TMTC4: variants seen among roughly 807,000 people sequenced by gnomAD.
TMTC4 encodes transmembrane O-mannosyltransferase targeting cadherins 4, also known as protein O-mannosyl-transferase TMTC4.
TMTC4 carries 65 observed loss-of-function variants against 86.0 expected under a neutral mutation model. The observed-to-expected ratio is 0.76, with a 90% confidence interval of 0.62 to 0.93. TMTC4 has a LOEUF of 0.93. TMTC4 is among the 40% of genes least tolerant of loss of function. The probability of loss-of-function intolerance (pLI) is 0.00; values close to 1 mark genes in which losing one functional copy is unlikely to be tolerated. For synonymous variants in TMTC4, 379 were observed against 382.5 expected, an observed-to-expected ratio of 0.99 and a Z score of 0.11; for missense variants, 866 against 948.1, an observed-to-expected ratio of 0.91 and a Z score of 1.14.
At chr13:100,665,105 T>A (rs528465279) in intron 3 of TMTC4, among the ~76,000 whole-genome samples, 1 of 152,224 alleles carries the variant, frequency 6.6e-6, no homozygotes, top group Admixed American at 6.5e-5. Flanking sequence ...CAAAAGTCAC[T>A]AAATATTAAA....
chr13:100,645,453 C>A (rs1246317600), intron 6 of TMTC4, among the ~76,000 whole-genome samples: 3 of 152,246 alleles, frequency 2.0e-5, no homozygotes, highest in East Asian at 3.9e-4. Flanking sequence ...AGAGCAAACA[C>A]CCCTGCTGTA....
intron 6 of TMTC4, among the ~76,000 whole-genome samples, chr13:100,653,168 T>A (rs1884659396): frequency 6.6e-6 from 1 of 152,224 alleles, no homozygotes; most frequent in Non-Finnish European, 1.5e-5. Flanking sequence ...ATGATGATGT[T>A]CAAGGATTAT....
At chr13:100,654,086 T>C (rs1161252413) in intron 6 of TMTC4, among the ~76,000 whole-genome samples, 7 of 152,240 alleles carry the variant, frequency 4.6e-5, no homozygotes, top group Non-Finnish European at 7.3e-5. Flanking sequence ...GGGCAGCTTG[T>C]AGACAAGAGG....
chr13:100,655,921 C>T (rs1247679232), intron 6 of TMTC4, among the ~76,000 whole-genome samples: 4 of 152,094 alleles, frequency 2.6e-5, no homozygotes, highest in Non-Finnish European at 5.9e-5. Flanking sequence ...AGGGCCTGAG[C>T]CTGGGTTCAG....
intron 2 of TMTC4, among the ~76,000 whole-genome samples, chr13:100,669,954 T>C (rs1041611801): frequency 6.6e-6 from 1 of 151,840 alleles, no homozygotes; most frequent in African/African-American, 2.4e-5. Context: ...CCTTCTAGAG[T>C]TGTCATGAGG....
intron 5 of TMTC4, among the ~76,000 whole-genome samples, 183 bp downstream of exon 5, chr13:100,662,781 A>G (rs1250113054): frequency 6.6e-6 from 1 of 152,184 alleles, no homozygotes; most frequent in African/African-American, 2.4e-5. Flanking sequence ...ATTGTTTCAA[A>G]TGTCTGGCAG....
At position 100,670,927 on chromosome 13, in the gene TMTC4, A is replaced by G. The variant is rs1887016913; in HGVS notation, c.-207-358T>C. ...TGAGATCACACCTCGGCTCTACAGC[A>G]TGGGCAACAGAGTGAGACCCTGTCT... On this transcript the variant is annotated intron_variant, in intron 1 of 18. Transcript: ENST00000342624. 2.0e-5 allele frequency among the ~76,000 whole-genome samples: 3 copies of G among 152,364 alleles called. No individual in the cohort carries two copies. The South Asian group carries it at 6.2e-4, about 32-fold the overall frequency.
At chr13:100,669,768 G>C (rs11620292) in intron 2 of TMTC4, among the ~76,000 whole-genome samples, 39,588 of 151,802 alleles carry the variant, frequency 0.26, 6,054 homozygotes, top group Admixed American at 0.37. Flanking sequence ...CCCCAAACTC[G>C]CACTTTTTTA....
chr13:100,623,640 G>GGT (rs1555340824), intron 15 of TMTC4, among the ~76,000 whole-genome samples: 2 of 96,166 alleles, frequency 2.1e-5, no homozygotes, highest in African/African-American at 6.9e-5. Flanking sequence ...TACTAGTTGG[G>GGT]TTTTGTTTTT....
chr13:100,674,808 C>T (rs918563076), upstream of TMTC4: 22 of 981,606 alleles, frequency 2.2e-5, no homozygotes, highest in African/African-American at 2.1e-4. Context: ...CGGCTCCAGG[C>T]ACCCGCCCGG....
At chr13:100,654,587 T>G in intron 6 of TMTC4, among the ~76,000 whole-genome samples, 1 of 152,012 alleles carries the variant, frequency 6.6e-6, no homozygotes, top group East Asian at 1.9e-4. Flanking sequence ...AAAATATATA[T>G]GTAATATATA....
chr13:100,664,625 G>T (rs537107955), intron 3 of TMTC4, among the ~76,000 whole-genome samples: 32 of 152,226 alleles, frequency 2.1e-4, no homozygotes, highest in Non-Finnish European at 8.8e-5. Context: ...GCTTCTGCCA[G>T]CTCCCAACCC....
intron 1 of TMTC4, chr13:100,670,818 GGCGTAT>G (rs1886997823): frequency 6.3e-6 from 1 of 157,714 alleles, no homozygotes; most frequent in African/African-American, 2.4e-5. Flanking sequence ...TGAGTGTGGA[GGCGTAT>G]GCCTGCAGTC....
At chr13:100,606,553 A>T in intron 17 of TMTC4, 126 bp from the exon 18 acceptor site, 4 of 747,400 alleles carry the variant, frequency 5.4e-6, no homozygotes, top group Non-Finnish European at 8.8e-6. Flanking sequence ...ATTCCTCCAG[A>T]AACACTCGGA....
At chr13:100,639,919 G>A (rs1390378044) in intron 7 of TMTC4, among the ~76,000 whole-genome samples, 1 of 151,582 alleles carries the variant, frequency 6.6e-6, no homozygotes, top group African/African-American at 2.4e-5. Context: ...CAGCCAGAGC[G>A]ACAAGAGAGA....
chr13:100,674,862 C>G (rs1452571734), upstream of TMTC4: 2 of 977,628 alleles, frequency 2.0e-6, no homozygotes, highest in East Asian at 1.1e-4. Flanking sequence ...CCGACCCCCC[C>G]CGCGCCGCGC....
At chr13:100,651,393 T>G (rs1285051158) in intron 6 of TMTC4, among the ~76,000 whole-genome samples, 1 of 151,996 alleles carries the variant, frequency 6.6e-6, no homozygotes, top group African/African-American at 2.4e-5. Context: ...TAGTGTTTTT[T>G]GTTTGTTTGT....
At chr13:100,632,053 A>ACACTCTCTCTCTCTCTCTCTCTCTCT (rs1296569630) in intron 12 of TMTC4, among the ~76,000 whole-genome samples, 1 of 43,106 alleles carries the variant, frequency 2.3e-5, no homozygotes, top group Non-Finnish European at 4.7e-5. Flanking sequence ...ACACACACAC[A>ACACTCTCTCTCTCTCTCTCTCTCTCT]CTCTCTCTCT....
Position 100,663,115 on chromosome 13 carries a change from T to C in TMTC4, c.401A>G (p.His134Arg), listed in dbSNP as rs1420897203. 3.7e-6 allele frequency: 6 copies of C among 1,614,084 alleles called. No homozygotes were observed. The highest frequency in any genetic ancestry group is 5.1e-6 in the Non-Finnish European group (6 of 1,180,050). Residue 134 changes from histidine (H) to arginine (R), a missense_variant, in exon 5 of 19, where the codon CAC becomes CGC. His to Arg is a conservative substitution (Grantham distance 29). Transcript: ENST00000342624. ...CACCATGAGGACAGAGATGCCACTG[T>C]GCAGGAGGATGTTGACCACGTGAAA... ...VGFHVVNILL[H>R]SGISVLMVDV...
Sources: allele counts gnomAD v4.1 joint callset (sites outside exome capture counted in the v4.1 genomes callset), GRCh38; gene constraint gnomAD v4.1.1; transcripts MANE v1.5; gene names NCBI Gene and HGNC (gene_info 2026-07-23, HGNC 2026-07-21).